PACRG: variants seen among roughly 807,000 people sequenced by gnomAD.
PACRG encodes the protein parkin coregulated.
In PACRG, 29 loss-of-function variants were observed where a neutral mutation model predicts 29.7. That is an observed-to-expected ratio of 0.98 (90% confidence interval 0.73 to 1.33). The LOEUF (loss-of-function observed/expected upper bound fraction) is 1.33, where lower values mean the gene tolerates loss of function less well. Ranked by LOEUF, PACRG falls within the 40% of genes most tolerant of loss-of-function variation. The probability of loss-of-function intolerance (pLI) is 0.00; values close to 1 mark genes in which losing one functional copy is unlikely to be tolerated. For missense variants in PACRG, 279 were observed against 316.2 expected (o/e 0.88, Z 0.89); for synonymous variants, 116 against 118.7 (o/e 0.98, Z 0.15).
At chr6:162,806,119 T>C (rs1024949394) in intron 1 of PACRG, among the ~76,000 whole-genome samples, 1 of 152,202 alleles carries the variant, frequency 6.6e-6, no homozygotes, top group Admixed American at 6.5e-5. Flanking sequence ...TTTCCTTTTT[T>C]TTTTTTTAGA....
At chr6:163,067,022 G>A (rs1811604050) in intron 3 of PACRG, among the ~76,000 whole-genome samples, 1 of 152,086 alleles carries the variant, frequency 6.6e-6, no homozygotes, top group Non-Finnish European at 1.5e-5. Flanking sequence ...TTTTCACCCC[G>A]GAAGGAAGGT....
At chr6:162,981,528 T>C (rs950379375) in intron 2 of PACRG, among the ~76,000 whole-genome samples, 2 of 151,986 alleles carry the variant, frequency 1.3e-5, no homozygotes, top group Admixed American at 6.6e-5. Flanking sequence ...TGGGCTCTTT[T>C]TTGGTTCCAT....
At chr6:163,101,865 C>T (rs1007211465) in intron 4 of PACRG, among the ~76,000 whole-genome samples, 4 of 152,102 alleles carry the variant, frequency 2.6e-5, no homozygotes, top group Admixed American at 6.5e-5. Flanking sequence ...AGTCTTTTTT[C>T]GGGGGGAATG....
intron 2 of PACRG, among the ~76,000 whole-genome samples, chr6:162,899,709 A>G (rs1795419623): frequency 6.6e-6 from 1 of 152,186 alleles, no homozygotes; most frequent in Non-Finnish European, 1.5e-5. Flanking sequence ...GGCCTGAGCT[A>G]CAGGAGTCAC....
chr6:163,218,241 T>G (rs1781440490), intron 4 of PACRG, among the ~76,000 whole-genome samples: 1 of 152,358 alleles, frequency 6.6e-6, no homozygotes, highest in South Asian at 2.1e-4. Context: ...CCTCCTCGTA[T>G]GATGGATACA....
chr6:162,757,858 GAT>G (rs1172753386), intron 1 of PACRG, among the ~76,000 whole-genome samples: 45 of 152,148 alleles, frequency 3.0e-4, no homozygotes, highest in African/African-American at 1.1e-3. Flanking sequence ...ATGAGAAAGA[GAT>G]ATGAATAGGC....
chr6:162,974,067 G>A (rs934369497), intron 2 of PACRG, among the ~76,000 whole-genome samples: 6 of 152,226 alleles, frequency 3.9e-5, no homozygotes, highest in Admixed American at 1.3e-4. Context: ...TGCAAGTAAC[G>A]TAATAATTAT....
intron 4 of PACRG, among the ~76,000 whole-genome samples, chr6:163,216,509 A>G (rs1050553774): frequency 3.3e-5 from 5 of 152,244 alleles, no homozygotes; most frequent in African/African-American, 1.2e-4. Context: ...CTTGAAAACT[A>G]TAATTAATGT....
intron 1 of PACRG, among the ~76,000 whole-genome samples, chr6:162,754,710 T>G (rs1344853943): frequency 6.6e-6 from 1 of 152,168 alleles, no homozygotes; most frequent in African/African-American, 2.4e-5. Context: ...TCAACACCAT[T>G]TATTGAAGAG....
chr6:163,001,091 A>G (rs1804549396), intron 2 of PACRG, among the ~76,000 whole-genome samples: 2 of 152,196 alleles, frequency 1.3e-5, no homozygotes, highest in African/African-American at 2.4e-5. Context: ...ACAGGTGTGC[A>G]TGGCTCCCAA....
chr6:163,314,361 G>C (rs1399177487), intron 4 of PACRG, among the ~76,000 whole-genome samples: 1 of 152,220 alleles, frequency 6.6e-6, no homozygotes, highest in Non-Finnish European at 1.5e-5. Context: ...AGGAGAAAGA[G>C]TTTGCCATGT....
At chr6:163,016,329 T>G (rs1476420122) in intron 2 of PACRG, 1 of 152,196 alleles carries the variant, frequency 6.6e-6, no homozygotes, top group East Asian at 1.9e-4. Flanking sequence ...GGACAAGATA[T>G]AATCTGATGG....
chr6:162,921,563 G>T (rs1298488340), intron 2 of PACRG, among the ~76,000 whole-genome samples: 3 of 152,158 alleles, frequency 2.0e-5, no homozygotes, highest in African/African-American at 7.2e-5. Flanking sequence ...CCGCCAGAGA[G>T]GCTGACTCTT....
intron 4 of PACRG, among the ~76,000 whole-genome samples, chr6:163,164,489 C>T (rs930800304): frequency 3.3e-5 from 5 of 152,304 alleles, no homozygotes; most frequent in East Asian, 3.9e-4. Context: ...ACTCAGTGGG[C>T]GCTGGGGATG....
Position 163,044,258 on chromosome 6 carries a change from C to G in PACRG, c.292-17892C>G, listed in dbSNP as rs371362736. ...ATCACGGTTCACTGAAGCCTTGGCT[C>G]CTGGGTTCATGCGATCCTCCCACCT... On this transcript the variant is annotated intron_variant, in intron 2 of 4. Coordinates refer to ENST00000366888, the MANE Select transcript of PACRG (RefSeq NM_001080379.2). Among the ~76,000 whole-genome samples the G allele has an allele frequency of 5.3e-5, 8 of 151,410 alleles. No individual in the cohort carries two copies. The East Asian group carries it at 1.6e-3, about 30-fold the overall frequency.
intron 1 of PACRG, among the ~76,000 whole-genome samples, chr6:162,747,325 C>CATATATATATAT (rs1190146053): frequency 6.0e-5 from 2 of 33,238 alleles, no homozygotes; most frequent in African/African-American, 9.8e-5. Flanking sequence ...TCTCCTTGCT[C>CATATATATATAT]ATATATATAT....
chr6:163,279,103 G>A (rs113086962), intron 4 of PACRG, among the ~76,000 whole-genome samples: 6,287 of 152,198 alleles, frequency 0.041, 362 homozygotes, highest in African/African-American at 0.13. Context: ...CACCTCTTGT[G>A]AAAGGGGTTG....
At chr6:162,870,609 C>T (rs1792720729) in intron 2 of PACRG, among the ~76,000 whole-genome samples, 1 of 152,288 alleles carries the variant, frequency 6.6e-6, no homozygotes, top group South Asian at 2.1e-4. Context: ...CCAAAGTCCA[C>T]TGTGGCATTC....
At chr6:163,215,836 C>T (rs1386856229) in intron 4 of PACRG, among the ~76,000 whole-genome samples, 1 of 152,164 alleles carries the variant, frequency 6.6e-6, no homozygotes, top group Non-Finnish European at 1.5e-5. Flanking sequence ...CCCAATGCTT[C>T]AGAAAGGACA....
Sources: allele counts gnomAD v4.1 joint callset (sites outside exome capture counted in the v4.1 genomes callset), GRCh38; gene constraint gnomAD v4.1.1; transcripts MANE v1.5; gene names NCBI Gene and HGNC (gene_info 2026-07-23, HGNC 2026-07-21).